ECE1: variants seen among roughly 807,000 people sequenced by gnomAD.
ECE1 encodes the protein endothelin-converting enzyme 1.
A neutral mutation model predicts 98.6 loss-of-function variants in ECE1; 35 were observed. That is an observed-to-expected ratio of 0.35 (90% CI 0.27 to 0.47). The LOEUF is 0.47. ECE1 is among the 20% of genes least tolerant of loss of function. ECE1 has a pLI of 1.00. For synonymous variants in ECE1, 394 were observed against 407.1 expected (o/e 0.97, Z 0.39); for missense variants, 814 against 1,025.3 (o/e 0.79, Z 2.81).
chr1:21,343,628 G>A (rs1429399490), intron 1 of ECE1, among the ~76,000 whole-genome samples: 2 of 152,234 alleles, frequency 1.3e-5, no homozygotes, highest in Non-Finnish European at 2.9e-5. Flanking sequence ...TTGCAGATGA[G>A]GAAACTGAAA....
In ECE1 at chr1:21,340,053, G is replaced by T. The variant is rs1639373004; in HGVS notation, c.3+5323C>A. ...TTATGTGTCCAAAACTTGGCGTCTA[G>T]GAAGCATTCCACCAAGTGTTAACAC... On this transcript the variant is annotated intron_variant, in intron 1 of 18. Transcript: ENST00000415912. The surrounding 1 kb of genome is among the most constrained non-coding windows in gnomAD (Gnocchi z 4.6). Among the ~76,000 whole-genome samples the T allele has an allele frequency of 6.6e-6, 1 of 152,220 alleles. No individual in the cohort carries two copies. The highest frequency in any genetic ancestry group is 2.4e-5 in the African/African-American group (1 of 41,452).
chr1:21,269,942 A>C (rs931372900), intron 4 of ECE1, among the ~76,000 whole-genome samples: 4 of 152,140 alleles, frequency 2.6e-5, no homozygotes, highest in Non-Finnish European at 5.9e-5. Flanking sequence ...CATTGGATGC[A>C]GCTCCCCACC....
At chr1:21,330,431 AT>A (rs1639176188) in intron 1 of ECE1, among the ~76,000 whole-genome samples, 1 of 151,584 alleles carries the variant, frequency 6.6e-6, no homozygotes, top group Non-Finnish European at 1.5e-5. Flanking sequence ...GGGTTTTGTC[AT>A]GTTGCCCAGA....
chr1:21,279,501 C>T, intron 2 of ECE1, 169 bp from the exon 3 acceptor site: 1 of 1,489,248 alleles, frequency 6.7e-7, no homozygotes, highest in Non-Finnish European at 9.0e-7. Flanking sequence ...AGGAAAGGAA[C>T]AGCCACCCTG....
At position 21,322,695 on chromosome 1, in the gene ECE1, A is replaced by T. The variant is rs760509750; in HGVS notation, c.3+22681T>A. ...GGGAAAAGGACAAGAAAACCCAGCGATGGAGAGGAGAGGCACAGGAAAGGG... is the reference window on the plus strand; with the variant it reads ...GGGAAAAGGACAAGAAAACCCAGCGTTGGAGAGGAGAGGCACAGGAAAGGG... On this transcript the variant is annotated intron_variant, in intron 1 of 18. Transcript: ENST00000415912. This position sits in a 1 kb window ranked among gnomAD's most constrained non-coding sequence, Gnocchi z 4.1. Among the ~76,000 whole-genome samples the T allele has an allele frequency of 1.3e-5, 2 of 152,192 alleles. No homozygotes were observed. The highest frequency in any genetic ancestry group is 1.5e-5 in the Non-Finnish European group (1 of 68,036).
At chr1:21,247,508 C>T (rs1003354410) in intron 8 of ECE1, 145 bp from the exon 9 acceptor site, 4 of 1,217,776 alleles carry the variant, frequency 3.3e-6, no homozygotes, top group Non-Finnish European at 4.7e-6. Flanking sequence ...TCAAGCGGAG[C>T]CTGGCGGGCT....
Position 21,237,884 on chromosome 1 carries a change from AG to A in ECE1, c.1389+249del, listed in dbSNP as rs533760300. 2.2e-4 allele frequency among the ~76,000 whole-genome samples: 33 copies of A among 152,380 alleles called. No individual in the cohort carries two copies. The South Asian group carries it at 6.0e-3, about 28-fold the overall frequency. ...CCTTGGAGGTGGGGATGGCTGTCAC[AG>A]CCTTGCAGGCTGCTGGGAGGATCAC... On this transcript the variant is annotated intron_variant, in intron 11 of 18. Coordinates refer to ENST00000374893, the MANE Select transcript of ECE1 (RefSeq NM_001397.3).
intron 10 of ECE1, among the ~76,000 whole-genome samples, chr1:21,238,661 C>T (rs935244639): frequency 3.9e-5 from 6 of 152,144 alleles, no homozygotes; most frequent in African/African-American, 1.4e-4. Context: ...CTCGTCCTGC[C>T]TCCTGGGAAG....
In ECE1 at chr1:21,322,446, T is replaced by C. The variant is rs1372360629; in HGVS notation, c.3+22930A>G. Among the ~76,000 whole-genome samples the C allele has an allele frequency of 2.0e-5, 3 of 152,164 alleles. No homozygotes were observed. The highest frequency in any genetic ancestry group is 7.2e-5 in the African/African-American group (3 of 41,452). On this transcript the variant is annotated intron_variant, in intron 1 of 18. Coordinates refer to the ECE1 transcript ENST00000415912. This position sits in a 1 kb window ranked among gnomAD's most constrained non-coding sequence, Gnocchi z 4.1. ...AGTTGCCATGGAAACACCAGTGGGT[T>C]CTTTGGGGGCAGGAGAGCAACCAGC... is the stretch of plus-strand genomic sequence containing the variant.
In ECE1 at chr1:21,256,066, G is replaced by A. The variant is rs139716196; in HGVS notation, c.901C>T (p.Arg301Trp). ...LLGGGDEEAI[R>W]PQMQQILDFE... ...TCCAAGATCTGCTGCATCTGGGGCC[G>A]GATGGCCTCCTCGTCCCCGCCGCCC... The change falls in exon 8 of 19, where the codon CGG becomes TGG. Residue 301 changes from arginine (R) to tryptophan (W), a missense_variant. By Grantham distance (101) the Arg-to-Trp change is moderately radical. This residue lies in a region of ECE1 where 105 missense variants were observed against 179.1 expected (regional missense o/e 0.59). Coordinates refer to ENST00000374893, the MANE Select transcript of ECE1 (RefSeq NM_001397.3). The A allele has an allele frequency of 1.1e-5, 17 of 1,611,538 alleles. No individual in the cohort carries two copies. The highest frequency in any genetic ancestry group is 1.4e-5 in the Non-Finnish European group (16 of 1,177,718).
intron 10 of ECE1, among the ~76,000 whole-genome samples, chr1:21,239,224 C>T (rs1022930780): frequency 2.6e-5 from 4 of 152,164 alleles, no homozygotes; most frequent in Non-Finnish European, 5.9e-5. Context: ...CGGAAATAGG[C>T]GTCTGTGGGC....
At chr1:21,289,993 C>CGGGGGGGGGGGG in intron 2 of ECE1, 77 bp downstream of exon 2, 12 of 897,742 alleles carry the variant, frequency 1.3e-5, no homozygotes, top group East Asian at 1.1e-4. Context: ...TAGGTAGGGG[C>CGGGGGGGGGGGG]GGGGGGCGCG....
intron 4 of ECE1, among the ~76,000 whole-genome samples, chr1:21,271,312 A>G (rs1394517772): frequency 2.0e-5 from 3 of 152,178 alleles, no homozygotes; most frequent in Non-Finnish European, 4.4e-5. Flanking sequence ...TGGTTTGCCT[A>G]CTTTCCCTGT....
rs1214285289 is a variant in ECE1, at chr1:21,245,106, G to A, written c.1164-3C>T. ...AGATCATGTAGTTGTTGAGCAGGCT[G>A]CGGGGAGAGGAGGCCAGAGAGGCTC... is the stretch of plus-strand genomic sequence containing the variant. On this transcript the variant is annotated splice_region_variant and splice_polypyrimidine_tract_variant and intron_variant, in intron 9 of 18. Transcript: ENST00000374893. 2 of 1,613,408 alleles carry A rather than the reference G, an allele frequency of 1.2e-6. No individual in the cohort carries two copies. The highest frequency in any genetic ancestry group is 1.7e-6 in the Non-Finnish European group (2 of 1,179,476).
chr1:21,316,187 A>T (rs985899248), intron 1 of ECE1, among the ~76,000 whole-genome samples: 2 of 152,236 alleles, frequency 1.3e-5, no homozygotes, highest in African/African-American at 4.8e-5. Flanking sequence ...TCACCCTCAG[A>T]ACAGCAACCC....
intron 1 of ECE1, among the ~76,000 whole-genome samples, chr1:21,309,873 G>T (rs1371046699): frequency 6.7e-6 from 1 of 148,286 alleles, no homozygotes; most frequent in Non-Finnish European, 1.5e-5. Context: ...CTCACTGCAA[G>T]CTCCGCCTCC....
intron 4 of ECE1, among the ~76,000 whole-genome samples, chr1:21,267,607 G>T (rs1180905870): frequency 6.6e-6 from 1 of 152,218 alleles, no homozygotes; most frequent in East Asian, 1.9e-4. Context: ...AGATTTGGGT[G>T]GGGACACAGC....
chr1:21,232,212 T>C (rs1434631694), intron 14 of ECE1, among the ~76,000 whole-genome samples: 3 of 152,268 alleles, frequency 2.0e-5, no homozygotes, highest in South Asian at 2.1e-4. Flanking sequence ...TCCCAAATGT[T>C]TGCACTGAGG....
intron 13 of ECE1, among the ~76,000 whole-genome samples, chr1:21,234,088 G>A (rs2098185145): frequency 6.6e-6 from 1 of 151,938 alleles, no homozygotes; most frequent in African/African-American, 2.4e-5. Flanking sequence ...CCTGGTTTAA[G>A]TGATTCTCGT....
Sources: gnomAD v4.1 joint callset for allele counts (sites outside exome capture counted in the v4.1 genomes callset) on GRCh38, gnomAD v4.1.1 for gene constraint, gnomAD v4.1.1 regional missense constraint, Gnocchi (gnomAD v3.1) non-coding constraint, MANE v1.5 for transcripts, NCBI Gene and HGNC (gene_info 2026-07-23, HGNC 2026-07-21) for gene names.